Variants in NSUN6 observed in about 807,000 individuals in gnomAD.
NSUN6 encodes the protein tRNA (cytosine(72)-C(5))-methyltransferase NSUN6.
A neutral mutation model predicts 58.0 loss-of-function variants in NSUN6; 64 were observed. That is an observed-to-expected ratio of 1.10 (90% confidence interval 0.90 to 1.36). The LOEUF (loss-of-function observed/expected upper bound fraction) is 1.36. Ranked by LOEUF, NSUN6 falls within the 40% of genes most tolerant of loss-of-function variation. The probability of loss-of-function intolerance (pLI) is 0.00; values close to 1 mark genes in which losing one functional copy is unlikely to be tolerated. For missense variants in NSUN6, 701 were observed against 550.1 expected, an observed-to-expected ratio of 1.27 and a Z score of -2.74; for synonymous variants, 231 against 193.9, an observed-to-expected ratio of 1.19 and a Z score of -1.59.
intron 8 of NSUN6, among the ~76,000 whole-genome samples, chr10:18,580,989 C>A (rs982820566): frequency 6.6e-6 from 1 of 152,092 alleles, no homozygotes; most frequent in Non-Finnish European, 1.5e-5. Flanking sequence ...TGGAAGAGGG[C>A]CAACTGGGCG....
intron 8 of NSUN6, among the ~76,000 whole-genome samples, chr10:18,564,414 CATTCT>C (rs2055770257): frequency 6.7e-6 from 1 of 150,286 alleles, no homozygotes; most frequent in African/African-American, 2.5e-5. Context: ...CATTCCATTC[CATTCT>C]CCGTTCCATT....
At chr10:18,625,579 G>C (rs1480631465) in intron 3 of NSUN6, among the ~76,000 whole-genome samples, 1 of 151,882 alleles carries the variant, frequency 6.6e-6, no homozygotes, top group Non-Finnish European at 1.5e-5. Context: ...CGGGTATGGT[G>C]GTGGGCACCT....
At position 18,549,601 on chromosome 10, in the gene NSUN6, A is replaced by G. The variant is rs2054484233; in HGVS notation, c.1072-1364T>C. ...CATGGAGTGTTTGTCCACTTTCTCA[A>G]TGCTGTACCGTCAACATCTAGAATA... is the stretch of plus-strand genomic sequence containing the variant. On this transcript the variant is annotated intron_variant, in intron 9 of 10. Transcript: ENST00000377304. Among the ~76,000 whole-genome samples, 3 of 152,236 alleles carry G rather than the reference A, an allele frequency of 2.0e-5. No homozygotes were observed. The South Asian group carries it at 6.2e-4, about 32-fold the overall frequency.
rs2058837385 is a variant in NSUN6, at chr10:18,627,061, C to T, written c.312-10768G>A. Among the ~76,000 whole-genome samples, 3 of 152,132 alleles carry T rather than the reference C, an allele frequency of 2.0e-5. No homozygotes were observed. In the South Asian group the frequency reaches 6.2e-4, roughly 32 times the overall value. On this transcript the variant is annotated intron_variant, in intron 3 of 10. Coordinates refer to ENST00000377304, the MANE Select transcript of NSUN6 (RefSeq NM_182543.5). ...AATGCTGGTTGAGATGTTTTAAAGG[C>T]TCTTTTATCAAGACAAGTCTGGCAT...
At chr10:18,564,287 A>C (rs1340109288) in intron 8 of NSUN6, among the ~76,000 whole-genome samples, 3 of 150,286 alleles carry the variant, frequency 2.0e-5, no homozygotes, top group Non-Finnish European at 3.0e-5. Flanking sequence ...TGCATTCTCT[A>C]TTCCATTCTC....
At chr10:18,629,091 G>T (rs895954371) in intron 3 of NSUN6, among the ~76,000 whole-genome samples, 2 of 152,134 alleles carry the variant, frequency 1.3e-5, no homozygotes, top group Non-Finnish European at 2.9e-5. Flanking sequence ...GAGAGTGGGG[G>T]CAAATATTCA....
At chr10:18,599,174 A>AC (rs2057711385) in intron 6 of NSUN6, among the ~76,000 whole-genome samples, 1 of 152,220 alleles carries the variant, frequency 6.6e-6, no homozygotes. Flanking sequence ...ATGAGCTAGG[A>AC]CTACAGGCGT....
At chr10:18,652,571 T>C (rs76741857), upstream of NSUN6, 1 of 500,368 alleles carries the variant, frequency 2.0e-6, no homozygotes, top group Non-Finnish European at 2.6e-6. Flanking sequence ...TCTCTGCTCT[T>C]TTTTTTTTTT....
intron 8 of NSUN6, among the ~76,000 whole-genome samples, chr10:18,585,439 T>C (rs1378536736): frequency 1.3e-5 from 2 of 152,182 alleles, no homozygotes; most frequent in Admixed American, 6.6e-5. Flanking sequence ...GAAAATGTGG[T>C]ACATACACAC....
At chr10:18,599,696 G>A (rs531694416) in intron 6 of NSUN6, among the ~76,000 whole-genome samples, 21 of 152,308 alleles carry the variant, frequency 1.4e-4, no homozygotes, top group African/African-American at 5.1e-4. Flanking sequence ...GGCCGCCATA[G>A]GTGGTAGGGC....
chr10:18,584,168 G>A (rs1299815324), intron 8 of NSUN6, among the ~76,000 whole-genome samples: 1 of 152,150 alleles, frequency 6.6e-6, no homozygotes, highest in Non-Finnish European at 1.5e-5. Flanking sequence ...CATCCACCAG[G>A]AGGACATATC....
At chr10:18,624,403 C>T (rs956853377) in intron 3 of NSUN6, among the ~76,000 whole-genome samples, 3 of 151,712 alleles carry the variant, frequency 2.0e-5, no homozygotes, top group Non-Finnish European at 4.4e-5. Context: ...GGGCTGGGTG[C>T]GGTGGCTCAT....
chr10:18,622,766 T>A (rs1042674928), intron 3 of NSUN6, among the ~76,000 whole-genome samples: 1 of 152,146 alleles, frequency 6.6e-6, no homozygotes, highest in Admixed American at 6.5e-5. Flanking sequence ...CCAGTCTCAT[T>A]TGGATTTCAA....
Position 18,636,619 on chromosome 10 carries a change from C to T in NSUN6, c.311+5857G>A, listed in dbSNP as rs1213133405. ...GTCAAAAGAGACTGAATGGGCTGGG[C>T]ACAGTGGCTCATGCCTGTAATCCCA... On this transcript the variant is annotated intron_variant, in intron 3 of 10. Transcript: ENST00000377304. Among the ~76,000 whole-genome samples, 3 of 152,194 alleles carry T rather than the reference C, an allele frequency of 2.0e-5. No homozygotes were observed. In the East Asian group the frequency reaches 5.8e-4, roughly 29 times the overall value.
chr10:18,571,730 A>ATTC (rs2056377424), intron 8 of NSUN6, among the ~76,000 whole-genome samples: 8 of 149,848 alleles, frequency 5.3e-5, no homozygotes, highest in Admixed American at 6.6e-5. Flanking sequence ...ATTCCATTCC[A>ATTC]CATTCCATTC....
chr10:18,624,817 G>GAGAAAC (rs2058734424), intron 3 of NSUN6, among the ~76,000 whole-genome samples: 1 of 152,118 alleles, frequency 6.6e-6, no homozygotes, highest in Non-Finnish European at 1.5e-5. Context: ...AAACTGGAAT[G>GAGAAAC]AGTTCCCAGC....
At chr10:18,617,266 C>A (rs1021433337) in intron 3 of NSUN6, among the ~76,000 whole-genome samples, 1 of 150,094 alleles carries the variant, frequency 6.7e-6, no homozygotes, top group Admixed American at 6.7e-5. Flanking sequence ...TGGCTCACTG[C>A]AACCTCTGCC....
chr10:18,560,294 A>C (rs531391720), intron 8 of NSUN6, among the ~76,000 whole-genome samples: 75 of 151,326 alleles, frequency 5.0e-4, no homozygotes, highest in African/African-American at 1.8e-3. Context: ...TATGGAATGG[A>C]GAATGGAATA....
At chr10:18,611,948 C>T (rs914375587) in intron 5 of NSUN6, among the ~76,000 whole-genome samples, 3 of 152,140 alleles carry the variant, frequency 2.0e-5, no homozygotes, top group Non-Finnish European at 4.4e-5. Context: ...TACTACCTTA[C>T]TCATTTGTTT....
Sources: allele counts gnomAD v4.1 joint callset (sites outside exome capture counted in the v4.1 genomes callset), GRCh38; gene constraint gnomAD v4.1.1; transcripts MANE v1.5; gene names NCBI Gene and HGNC (gene_info 2026-07-23, HGNC 2026-07-21).